FHIP1A: variants seen among roughly 807,000 people sequenced by gnomAD.
FHIP1A encodes the protein FHF complex subunit HOOK interacting protein 1A, also known as FHF complex subunit HOOK-interacting protein 1A.
FHIP1A carries 61 observed loss-of-function variants against 88.6 expected under a neutral mutation model. The observed-to-expected ratio is 0.69, with a 90% CI of 0.56 to 0.85. FHIP1A has a LOEUF of 0.85. Among genes scored for constraint, FHIP1A ranks in the 40% least tolerant of loss-of-function variants. FHIP1A has a pLI of 0.00. For missense variants in FHIP1A, 1,154 were observed against 1,273.5 expected (o/e 0.91, Z 1.43); for synonymous variants, 478 against 496.0 (o/e 0.96, Z 0.48).
intron 3 of FHIP1A, among the ~76,000 whole-genome samples, chr4:151,559,341 T>A (rs774013814): frequency 6.6e-6 from 1 of 152,194 alleles, no homozygotes; most frequent in African/African-American, 2.4e-5. Flanking sequence ...AAGTAGTACA[T>A]AAATATGGTA....
chr4:151,430,223 T>C (rs1242901588), intron 1 of FHIP1A, among the ~76,000 whole-genome samples: 1 of 152,220 alleles, frequency 6.6e-6, no homozygotes, highest in Non-Finnish European at 1.5e-5. Flanking sequence ...TCACTTCATC[T>C]TTGTGCTTTT....
intron 4 of FHIP1A, among the ~76,000 whole-genome samples, chr4:151,569,520 C>G (rs1301959069): frequency 6.6e-6 from 1 of 151,720 alleles, no homozygotes; most frequent in Non-Finnish European, 1.5e-5. Context: ...CCACTGCACT[C>G]CAGCCTGGGT....
At chr4:151,545,329 A>T (rs1160997944) in intron 3 of FHIP1A, among the ~76,000 whole-genome samples, 1 of 145,236 alleles carries the variant, frequency 6.9e-6, no homozygotes, top group Non-Finnish European at 1.5e-5. Context: ...TGCTAATAAG[A>T]TTGACTAAAA....
chr4:151,638,318 T>TGTGTGTGTGTGTGTGTGC (rs1387604677), intron 8 of FHIP1A, among the ~76,000 whole-genome samples: 1 of 148,168 alleles, frequency 6.7e-6, no homozygotes, highest in Non-Finnish European at 1.5e-5. Flanking sequence ...TAGGAGATTG[T>TGTGTGTGTGTGTGTGTGC]GTGTGTGTGT....
At chr4:151,651,930 A>G (rs1578865174) in intron 11 of FHIP1A, among the ~76,000 whole-genome samples, 1 of 152,350 alleles carries the variant, frequency 6.6e-6, no homozygotes, top group Admixed American at 6.5e-5. Flanking sequence ...AGTAAAATGG[A>G]TTAGATAATC....
chr4:151,611,804 G>A (rs183805255), intron 7 of FHIP1A, among the ~76,000 whole-genome samples: 113 of 152,280 alleles, frequency 7.4e-4, no homozygotes, highest in Middle Eastern at 3.4e-3. Context: ...ACCAGTAGGT[G>A]TTCTATGTAT....
intron 7 of FHIP1A, among the ~76,000 whole-genome samples, chr4:151,606,458 A>G (rs1222845254): frequency 6.6e-6 from 1 of 152,112 alleles, no homozygotes; most frequent in Non-Finnish European, 1.5e-5. Flanking sequence ...GAATTTTTAG[A>G]TTTTGTTTTT....
At chr4:151,461,854 G>A (rs1196482184) in intron 2 of FHIP1A, among the ~76,000 whole-genome samples, 1 of 152,166 alleles carries the variant, frequency 6.6e-6, no homozygotes, top group Non-Finnish European at 1.5e-5. Flanking sequence ...TTTGGGCATG[G>A]GATCGACTCT....
At chr4:151,482,712 T>C (rs1024371656) in intron 3 of FHIP1A, 64 bp downstream of exon 3, 15 of 109,668 alleles carry the variant, frequency 1.4e-4, no homozygotes, top group Admixed American at 4.3e-4. Context: ...TATGTTATAC[T>C]TTTTTTTTTT....
At chr4:151,564,135 A>T (rs186369804) in intron 3 of FHIP1A, among the ~76,000 whole-genome samples, 1 of 152,326 alleles carries the variant, frequency 6.6e-6, no homozygotes. Flanking sequence ...AACTTGAAGG[A>T]TCTTAGCATA....
At chr4:151,566,774 G>A (rs1733404430) in intron 4 of FHIP1A, among the ~76,000 whole-genome samples, 1 of 152,068 alleles carries the variant, frequency 6.6e-6, no homozygotes, top group Non-Finnish European at 1.5e-5. Flanking sequence ...ACTCTGTTGA[G>A]TACTTCAAAT....
At chr4:151,536,570 T>C (rs1275941078) in intron 3 of FHIP1A, among the ~76,000 whole-genome samples, 3 of 152,198 alleles carry the variant, frequency 2.0e-5, no homozygotes, top group African/African-American at 7.2e-5. Flanking sequence ...TGAAACTATT[T>C]GAGATTGGCT....
intron 7 of FHIP1A, among the ~76,000 whole-genome samples, chr4:151,606,181 T>C (rs577632010): frequency 3.3e-5 from 5 of 152,292 alleles, no homozygotes; most frequent in Admixed American, 3.3e-4. Flanking sequence ...TGGGAGATAG[T>C]AGCGGGGGTT....
chr4:151,467,943 C>G (rs1247106760), intron 2 of FHIP1A, among the ~76,000 whole-genome samples: 1 of 150,718 alleles, frequency 6.6e-6, no homozygotes, highest in Non-Finnish European at 1.5e-5. Context: ...ACATGTATAC[C>G]TATGTAACAA....
intron 1 of FHIP1A, among the ~76,000 whole-genome samples, chr4:151,427,872 C>G (rs1733446060): frequency 6.6e-6 from 1 of 152,048 alleles, no homozygotes; most frequent in South Asian, 2.1e-4. Context: ...TCATTGCAAG[C>G]CTCTTGGGCA....
At chr4:151,642,027 C>A (rs543937475) in intron 9 of FHIP1A, among the ~76,000 whole-genome samples, 5 of 152,304 alleles carry the variant, frequency 3.3e-5, no homozygotes, top group Middle Eastern at 3.4e-3. Flanking sequence ...AAATGATGAT[C>A]CATTTGTAAC....
chr4:151,660,174 CAA>C (rs1352812778), intron 13 of FHIP1A, among the ~76,000 whole-genome samples: 3 of 152,166 alleles, frequency 2.0e-5, no homozygotes, highest in African/African-American at 7.2e-5. Context: ...ACTGAAAGGC[CAA>C]GACCCCGGAG....
At chr4:151,491,937 C>G (rs1477937444) in intron 3 of FHIP1A, among the ~76,000 whole-genome samples, 1 of 152,022 alleles carries the variant, frequency 6.6e-6, no homozygotes, top group Non-Finnish European at 1.5e-5. Context: ...AAGAATTAGT[C>G]CAGCAGGAAA....
intron 3 of FHIP1A, among the ~76,000 whole-genome samples, chr4:151,561,197 A>C (rs1733158672): frequency 6.6e-6 from 1 of 152,192 alleles, no homozygotes; most frequent in South Asian, 2.1e-4. Flanking sequence ...TTCTTTGTGC[A>C]CATTTTGTGT....
Sources: gnomAD v4.1 joint callset for allele counts (sites outside exome capture counted in the v4.1 genomes callset) on GRCh38, gnomAD v4.1.1 for gene constraint, MANE v1.5 for transcripts, NCBI Gene and HGNC (gene_info 2026-07-23, HGNC 2026-07-21) for gene names.